Variants in MED12L observed in about 807,000 individuals in gnomAD.
The protein encoded by MED12L is mediator complex subunit 12L, also known as mediator of RNA polymerase II transcription subunit 12-like protein.
A neutral mutation model predicts 281.3 loss-of-function variants in MED12L; 60 were observed. The ratio of observed to expected loss-of-function variants is 0.21; its 90% CI spans 0.17 to 0.26. The LOEUF is 0.26. Ranked by LOEUF, MED12L falls within the 10% of genes least tolerant of loss-of-function variation. MED12L has a pLI of 1.00. For missense variants in MED12L, 2,146 were observed against 2,680.9 expected (o/e 0.80, Z 4.41); for synonymous variants, 974 against 987.2 (o/e 0.99, Z 0.25).
chr3:151,133,256 T>C (rs1715664172), intron 5 of MED12L, among the ~76,000 whole-genome samples: 4 of 152,232 alleles, frequency 2.6e-5, no homozygotes, highest in Admixed American at 6.5e-5. Flanking sequence ...TTTGATTTTA[T>C]TGAAGGGAAC....
rs192428228 is a variant in MED12L, at chr3:151,352,946, A to T, written c.2399-2175A>T. The stretch of plus-strand genomic sequence containing the variant: ...ATAAGAAAGATGAGGAAAAATATAT[A>T]TTGACTATAATGTTACTCATGTAAA... On this transcript the variant is annotated intron_variant, in intron 17 of 44. Coordinates refer to ENST00000687756, the MANE Select transcript of MED12L (RefSeq NM_001393769.1). Among the ~76,000 whole-genome samples the T allele has an allele frequency of 3.6e-4, 55 of 152,338 alleles. No individual in the cohort carries two copies. The East Asian group carries it at 0.01, about 28-fold the overall frequency.
At chr3:151,261,685 GTGTTTTGTTTTGTTTTGTTT>G (rs10627724) in intron 16 of MED12L, among the ~76,000 whole-genome samples, 7 of 148,640 alleles carry the variant, frequency 4.7e-5, no homozygotes, top group Non-Finnish European at 8.9e-5. Flanking sequence ...GTGGTACGTG[GTGTTTTGTTTTGTTTTGTTT>G]TGTTTTGTTT....
Position 151,300,462 on chromosome 3 carries a change from A to G in MED12L, c.2251-49597A>G, listed in dbSNP as rs113043822. On this transcript the variant is annotated intron_variant, in intron 16 of 44. Transcript: ENST00000687756. ...ATCTTAATAAAGGTTAGCTGAGACC[A>G]TATGTATGTGCAATGTTGGATATTA... 2.6e-4 allele frequency among the ~76,000 whole-genome samples: 40 copies of G among 152,246 alleles called. 1 individual carries two copies. The highest frequency in any genetic ancestry group is 9.4e-4 in the African/African-American group (39 of 41,534).
chr3:151,380,394 C>T (rs1455987091), intron 32 of MED12L, among the ~76,000 whole-genome samples, 170 bp downstream of exon 32: 9 of 152,074 alleles, frequency 5.9e-5, no homozygotes, highest in Admixed American at 1.3e-4. Context: ...GCCAGGAGTT[C>T]GAGACCAGCC....
chr3:151,267,808 C>T (rs553755335), intron 16 of MED12L, among the ~76,000 whole-genome samples: 13 of 152,188 alleles, frequency 8.5e-5, no homozygotes, highest in African/African-American at 2.9e-4. Flanking sequence ...AAGAAAGGAA[C>T]CTTGCTAAAA....
At position 151,112,636 on chromosome 3, in the gene MED12L, C is replaced by T. The variant is rs147264133; in HGVS notation, c.100-3702C>T. Among the ~76,000 whole-genome samples, 919 of 152,150 alleles carry T rather than the reference C, an allele frequency of 6.0e-3. 2 individuals carry two copies. The highest frequency in any genetic ancestry group is 7.6e-3 in the Non-Finnish European group (518 of 68,010). On this transcript the variant is annotated intron_variant, in intron 2 of 44. Coordinates refer to ENST00000687756, the MANE Select transcript of MED12L (RefSeq NM_001393769.1). ...ACTTTCCTTTTTAAAAATTTTAGAACGAGAGCATTATATTGATTAAAAAAT... is the reference window on the plus strand; with the variant it reads ...ACTTTCCTTTTTAAAAATTTTAGAATGAGAGCATTATATTGATTAAAAAAT...
chr3:151,125,424 T>C lies in MED12L; in HGVS notation c.397-2401T>C, dbSNP rs150433470. Among the ~76,000 whole-genome samples the C allele has an allele frequency of 2.2e-3, 329 of 152,354 alleles. 3 individuals carry two copies. Among genetic ancestry groups the C allele is most frequent in the African/African-American group, 7.6e-3 (317 of 41,596 alleles). On this transcript the variant is annotated intron_variant, in intron 4 of 44. Coordinates refer to ENST00000687756, the MANE Select transcript of MED12L (RefSeq NM_001393769.1). The stretch of plus-strand genomic sequence containing the variant: ...GATCTGTGCTGAGTTTTGTTTGCTG[T>C]CTCATCTAAACATTTCACAAATTCA...
At chr3:151,376,275 G>A in intron 28 of MED12L, 61 bp downstream of exon 28, 1 of 1,246,840 alleles carries the variant, frequency 8.0e-7, no homozygotes, top group Admixed American at 2.9e-5. Flanking sequence ...AATAAAAAGA[G>A]TTACTTCCTC....
In MED12L at chr3:151,432,930, G is replaced by A; in HGVS notation, c.*126G>A. ...TCTTTGACATTTTACTATATTTTAT[G>A]CTACATCTCACAAAAAAAAAAAAAG... On this transcript the variant is annotated 3_prime_UTR_variant, in exon 45 of 45. Transcript: ENST00000687756. The A allele has an allele frequency of 1.5e-6, 1 of 664,232 alleles. No individual in the cohort carries two copies. Among genetic ancestry groups the A allele is most frequent in the Non-Finnish European group, 2.3e-6 (1 of 428,928 alleles). 41.1% of individuals were successfully genotyped at this position (664,232 alleles called of 1,614,324 possible).
At chr3:151,211,843 G>A (rs1001430971) in intron 16 of MED12L, among the ~76,000 whole-genome samples, 9 of 152,066 alleles carry the variant, frequency 5.9e-5, no homozygotes, top group Non-Finnish European at 8.8e-5. Context: ...ACAGAGTTTC[G>A]CCATGTTGCC....
intron 16 of MED12L, among the ~76,000 whole-genome samples, chr3:151,340,256 G>A (rs1431653092): frequency 6.6e-6 from 1 of 152,134 alleles, no homozygotes; most frequent in Non-Finnish European, 1.5e-5. Context: ...TATACATTTT[G>A]TGTAGTCTGT....
chr3:151,394,389 A>G (rs1287267432), intron 38 of MED12L, among the ~76,000 whole-genome samples: 1 of 152,238 alleles, frequency 6.6e-6, no homozygotes, highest in African/African-American at 2.4e-5. Flanking sequence ...TATGCCAACA[A>G]CTGTATGTTT....
At chr3:151,248,714 G>T (rs1736250775) in intron 16 of MED12L, among the ~76,000 whole-genome samples, 1 of 152,054 alleles carries the variant, frequency 6.6e-6, no homozygotes, top group Non-Finnish European at 1.5e-5. Context: ...TTTATTACTT[G>T]AATTTGGAAA....
At chr3:151,291,264 C>T (rs1288600313) in intron 16 of MED12L, among the ~76,000 whole-genome samples, 2 of 151,594 alleles carry the variant, frequency 1.3e-5, no homozygotes, top group South Asian at 2.1e-4. Flanking sequence ...CATGTGTGCA[C>T]ACACACAAAA....
chr3:151,090,163 G>A (rs1467641155), intron 2 of MED12L, among the ~76,000 whole-genome samples: 3 of 151,998 alleles, frequency 2.0e-5, no homozygotes, highest in African/African-American at 7.2e-5. Flanking sequence ...GTCTGCTTGG[G>A]TTGGGACCCT....
At chr3:151,370,406 T>C (rs1325203411) in intron 26 of MED12L, among the ~76,000 whole-genome samples, 1 of 152,172 alleles carries the variant, frequency 6.6e-6, no homozygotes, top group East Asian at 1.9e-4. Flanking sequence ...GGCTATAATC[T>C]TGCTCTGCTT....
At chr3:151,385,712 C>A (rs1433036628) in intron 36 of MED12L, among the ~76,000 whole-genome samples, 3 of 97,230 alleles carry the variant, frequency 3.1e-5, no homozygotes, top group African/African-American at 9.7e-5. Context: ...GACCCTGTCT[C>A]TGGGGGGGGA....
intron 39 of MED12L, among the ~76,000 whole-genome samples, chr3:151,395,164 G>A (rs1714801876): frequency 6.6e-6 from 1 of 152,140 alleles, no homozygotes; most frequent in Non-Finnish European, 1.5e-5. Context: ...TATCCTTGAG[G>A]TGACCTTCTC....
intron 16 of MED12L, among the ~76,000 whole-genome samples, chr3:151,199,982 A>C (rs1052434702): frequency 3.9e-5 from 6 of 152,210 alleles, no homozygotes; most frequent in South Asian, 2.1e-4. Flanking sequence ...AAAAAACCAA[A>C]AAAACAAACA....
Sources: gnomAD v4.1 joint callset for allele counts (sites outside exome capture counted in the v4.1 genomes callset) on GRCh38, gnomAD v4.1.1 for gene constraint, MANE v1.5 for transcripts, NCBI Gene and HGNC (gene_info 2026-07-23, HGNC 2026-07-21) for gene names.